KIAA1671: variants seen among roughly 807,000 people sequenced by gnomAD.
KIAA1671 encodes uncharacterized protein KIAA1671.
A neutral mutation model predicts 131.2 loss-of-function variants in KIAA1671; 52 were observed. That is an observed-to-expected ratio of 0.40 (90% confidence interval 0.32 to 0.50). The LOEUF is 0.50. Ranked by LOEUF, KIAA1671 falls within the 20% of genes least tolerant of loss-of-function variation. The pLI is 0.73. For missense variants in KIAA1671, 2,360 were observed against 2,364.2 expected (o/e 1.00, Z 0.04); for synonymous variants, 1,003 against 961.6 (o/e 1.04, Z -0.80).
chr22:25,152,064 C>G (rs1933063521), intron 6 of KIAA1671, among the ~76,000 whole-genome samples: 1 of 152,196 alleles, frequency 6.6e-6, no homozygotes, highest in African/African-American at 2.4e-5. Context: ...CTTCCTGTGT[C>G]AGTGAATATA....
intron 6 of KIAA1671, among the ~76,000 whole-genome samples, chr22:25,079,941 C>G (rs1005949114): frequency 6.6e-6 from 1 of 151,908 alleles, no homozygotes; most frequent in Non-Finnish European, 1.5e-5. Context: ...AGATGATGGC[C>G]GCTCAGACTG....
At chr22:25,098,291 C>T (rs375053389) in intron 6 of KIAA1671, among the ~76,000 whole-genome samples, 1 of 152,106 alleles carries the variant, frequency 6.6e-6, no homozygotes, top group East Asian at 1.9e-4. Flanking sequence ...CCATCCCCTC[C>T]CCTCCCCTCC....
chr22:25,107,126 G>A (rs1198966812), intron 6 of KIAA1671, among the ~76,000 whole-genome samples: 1 of 152,158 alleles, frequency 6.6e-6, no homozygotes, highest in African/African-American at 2.4e-5. Context: ...CTGGGGTGCG[G>A]TGGCTCACAC....
At chr22:24,981,422 G>A (rs992251081) in intron 1 of KIAA1671, among the ~76,000 whole-genome samples, 9 of 152,140 alleles carry the variant, frequency 5.9e-5, no homozygotes, top group Admixed American at 2.6e-4. Context: ...CTGGAGCCCC[G>A]CATCGCATTC....
chr22:25,084,762 C>T (rs1322052696), intron 6 of KIAA1671, among the ~76,000 whole-genome samples: 2 of 152,222 alleles, frequency 1.3e-5, no homozygotes, highest in Non-Finnish European at 2.9e-5. Flanking sequence ...GAGTCTTCTT[C>T]ACCCATGTGT....
intron 7 of KIAA1671, among the ~76,000 whole-genome samples, chr22:25,173,961 G>A (rs1456998836): frequency 1.3e-5 from 2 of 152,146 alleles, no homozygotes; most frequent in Non-Finnish European, 2.9e-5. Context: ...AGCAGCTTCC[G>A]TCCAGGACAG....
Position 24,971,469 on chromosome 22 carries a change from C to CTT in KIAA1671, c.-208+18698_-208+18699insTT, listed in dbSNP as rs1922611847. On this transcript the variant is annotated intron_variant, in intron 1 of 12. Coordinates refer to ENST00000358431, the MANE Select transcript of KIAA1671 (RefSeq NM_001145206.2). ...CTCCTGGGGCTGTTCTTGAGAAAAG[C>CTT]TCCTTGTTTTTCTTGTTCATGACAC... Among the ~76,000 whole-genome samples the CTT allele has an allele frequency of 5.4e-5, 8 of 147,690 alleles. No homozygotes were observed. In the South Asian group the frequency reaches 1.8e-3, roughly 33 times the overall value.
intron 10 of KIAA1671, among the ~76,000 whole-genome samples, chr22:25,184,200 C>G (rs1490315151): frequency 1.3e-5 from 2 of 152,212 alleles, no homozygotes; most frequent in African/African-American, 2.4e-5. Context: ...GGTGTGAATC[C>G]CAGTTCATAA....
At position 25,167,611 on chromosome 22, in the gene KIAA1671, C is replaced by T. The variant is rs1195336664; in HGVS notation, c.4531-3209C>T. ...TTAAAATGTATTCTTTGTGATTTTCCGTTACTCCTAAATGTTTTACAGTGA... is the reference window on the plus strand; with the variant it reads ...TTAAAATGTATTCTTTGTGATTTTCTGTTACTCCTAAATGTTTTACAGTGA... On this transcript the variant is annotated intron_variant, in intron 6 of 12. Coordinates refer to ENST00000358431, the MANE Select transcript of KIAA1671 (RefSeq NM_001145206.2). 2.0e-5 allele frequency among the ~76,000 whole-genome samples: 3 copies of T among 152,228 alleles called. No homozygotes were observed. In the East Asian group the frequency reaches 5.8e-4, roughly 29 times the overall value.
chr22:25,075,156 G>C (rs1407568020), intron 6 of KIAA1671, among the ~76,000 whole-genome samples: 1 of 152,168 alleles, frequency 6.6e-6, no homozygotes, highest in Non-Finnish European at 1.5e-5. Flanking sequence ...CCCTGCAAGG[G>C]ACATTTGGCA....
At chr22:25,116,188 C>G (rs1931649391) in intron 6 of KIAA1671, among the ~76,000 whole-genome samples, 1 of 152,098 alleles carries the variant, frequency 6.6e-6, no homozygotes, top group Admixed American at 6.5e-5. Context: ...AAGCCATCCT[C>G]TCACCTCTGG....
chr22:25,163,331 ATTTTTTTTTTTTTTTTTT>A (rs132895), intron 6 of KIAA1671, among the ~76,000 whole-genome samples: 3 of 55,544 alleles, frequency 5.4e-5, no homozygotes, highest in Admixed American at 3.0e-4. Context: ...ATTGCCTCAA[ATTTTTTTTTTTTTTTTTT>A]TTTTTTTTTT....
intron 6 of KIAA1671, chr22:25,112,506 G>T (rs575748658): frequency 2.5e-5 from 10 of 398,244 alleles, no homozygotes; most frequent in African/African-American, 1.4e-4. Context: ...AACACTGAAA[G>T]CTCCTCCCCT....
In KIAA1671 at chr22:25,041,393, C is replaced by A; in HGVS notation, c.4263C>A (p.Gly1421=). The change falls in exon 5 of 13, where the codon GGC becomes GGA. Residue 1421 remains glycine, a synonymous_variant. Transcript: ENST00000358431. ...EKGPPANIRE[G]LSIMHEARER... ...GGCCCCCTGCCAACATCCGAGAGGG[C>A]CTGTCCATCATGCATGAAGCCAGAG... The A allele has an allele frequency of 6.4e-7, 1 of 1,551,764 alleles. No individual in the cohort carries two copies. The highest frequency in any genetic ancestry group is 8.7e-7 in the Non-Finnish European group (1 of 1,147,006).
chr22:25,039,094 G>A lies in KIAA1671; in HGVS notation c.1964G>A (p.Gly655Asp). ...GAACCCAGGCCGAGGCCTGAGATGG[G>A]CTCTTGGCTGGGCAGGGACCCACCA... ...VSEPRPRPEM[G>D]SWLGRDPPDM... is the part of the protein sequence containing the mutation. The change falls in exon 5 of 13, where the codon GGC becomes GAC. Residue 655 changes from glycine to aspartate, a missense_variant. Transcript: ENST00000358431. 1 of 1,551,646 alleles carries A rather than the reference G, an allele frequency of 6.4e-7. No homozygotes were observed. Among genetic ancestry groups the A allele is most frequent in the Non-Finnish European group, 8.7e-7 (1 of 1,147,018 alleles).
At chr22:25,147,554 C>G (rs1304911786) in intron 6 of KIAA1671, among the ~76,000 whole-genome samples, 1 of 152,148 alleles carries the variant, frequency 6.6e-6, no homozygotes, top group African/African-American at 2.4e-5. Flanking sequence ...ATGCCCTCCC[C>G]CTGGGATGCC....
At chr22:25,141,051 C>T (rs997393815) in intron 6 of KIAA1671, among the ~76,000 whole-genome samples, 4 of 152,112 alleles carry the variant, frequency 2.6e-5, no homozygotes, top group African/African-American at 4.8e-5. Context: ...TAAGACTGGG[C>T]TCAGAGGAGC....
At chr22:24,978,912 T>C (rs1183410293) in intron 1 of KIAA1671, among the ~76,000 whole-genome samples, 1 of 152,134 alleles carries the variant, frequency 6.6e-6, no homozygotes, top group Non-Finnish European at 1.5e-5. Flanking sequence ...CTCAAACTCC[T>C]GACCTCAGGT....
At chr22:25,131,779 T>G (rs1337796783) in intron 6 of KIAA1671, among the ~76,000 whole-genome samples, 2 of 152,246 alleles carry the variant, frequency 1.3e-5, no homozygotes, top group African/African-American at 4.8e-5. Flanking sequence ...GGGAGCAGGC[T>G]GGTTCCCTGT....
Sources: allele counts gnomAD v4.1 joint callset (sites outside exome capture counted in the v4.1 genomes callset), GRCh38; gene constraint gnomAD v4.1.1; transcripts MANE v1.5; gene names NCBI Gene and HGNC (gene_info 2026-07-23, HGNC 2026-07-21).